CDH8: variants seen among roughly 807,000 people sequenced by gnomAD.
CDH8 encodes cadherin 8.
Under a neutral mutation model 68.1 loss-of-function variants are expected in CDH8, and 17 were observed. That is an observed-to-expected ratio of 0.25 (90% CI 0.17 to 0.37). The LOEUF (loss-of-function observed/expected upper bound fraction) is 0.37, where lower values mean the gene tolerates loss of function less well. Among genes scored for constraint, CDH8 ranks in the 10% least tolerant of loss-of-function variants. The pLI, the probability that CDH8 is intolerant of heterozygous loss-of-function variation, is 1.00. For missense variants in CDH8, 763 were observed against 999.3 expected (o/e 0.76, Z 3.19); for synonymous variants, 372 against 365.1 (o/e 1.02, Z -0.21).
intron 10 of CDH8, among the ~76,000 whole-genome samples, chr16:61,687,046 A>T (rs1964122934): frequency 6.6e-6 from 1 of 151,960 alleles, no homozygotes; most frequent in Non-Finnish European, 1.5e-5. Flanking sequence ...ATCCTTTACT[A>T]CGGTACTGTA....
Position 61,660,562 on chromosome 16 carries a change from T to TA in CDH8, c.1655-4842dup, listed in dbSNP as rs939598371. ...AAAAAATATCATTGAAAACCTGAAT[T>TA]AAAAAAAATAGTCTATACATCCAGA... On this transcript the variant is annotated intron_variant, in intron 10 of 11. Coordinates refer to ENST00000577390, the MANE Select transcript of CDH8 (RefSeq NM_001796.5). Among the ~76,000 whole-genome samples, 6 of 151,184 alleles carry TA rather than the reference T, an allele frequency of 4.0e-5. No homozygotes were observed. In the South Asian group the frequency reaches 6.3e-4, roughly 16 times the overall value.
At chr16:61,813,533 G>C (rs1382125938) in intron 7 of CDH8, among the ~76,000 whole-genome samples, 2 of 152,170 alleles carry the variant, frequency 1.3e-5, no homozygotes, top group Non-Finnish European at 2.9e-5. Context: ...GGCTGTGTCT[G>C]AGCATGTCTA....
chr16:61,964,895 T>G (rs1285332243), intron 2 of CDH8, among the ~76,000 whole-genome samples: 1 of 152,196 alleles, frequency 6.6e-6, no homozygotes. Flanking sequence ...TGCTTTCCTG[T>G]GCAAAAACAA....
chr16:61,790,053 G>T (rs1377303984), intron 7 of CDH8, among the ~76,000 whole-genome samples: 1 of 151,788 alleles, frequency 6.6e-6, no homozygotes, highest in Non-Finnish European at 1.5e-5. Context: ...TTGGATAGTT[G>T]TTGATTTTAT....
chr16:61,932,359 G>T (rs1964559085), intron 2 of CDH8, among the ~76,000 whole-genome samples: 1 of 152,126 alleles, frequency 6.6e-6, no homozygotes, highest in Admixed American at 6.5e-5. Context: ...GTAATTCAAA[G>T]ATTTTGAATA....
chr16:61,772,957 C>T (rs1960815317), intron 8 of CDH8, among the ~76,000 whole-genome samples: 1 of 151,920 alleles, frequency 6.6e-6, no homozygotes, highest in South Asian at 2.1e-4. Flanking sequence ...ATATTCTGGG[C>T]CCTATATTTT....
intron 10 of CDH8, among the ~76,000 whole-genome samples, chr16:61,676,313 C>T (rs1168828373): frequency 1.3e-5 from 2 of 151,444 alleles, no homozygotes; most frequent in African/African-American, 2.4e-5. Context: ...GCTGAAGTGG[C>T]TATATTAATA....
At chr16:61,934,523 C>A (rs1342771403) in intron 2 of CDH8, among the ~76,000 whole-genome samples, 1 of 152,016 alleles carries the variant, frequency 6.6e-6, no homozygotes, top group South Asian at 2.1e-4. Flanking sequence ...TGCCACTTAA[C>A]CTTAAATAAT....
intron 10 of CDH8, among the ~76,000 whole-genome samples, chr16:61,708,324 A>G (rs1027077046): frequency 2.6e-5 from 4 of 152,172 alleles, no homozygotes; most frequent in Non-Finnish European, 5.9e-5. Flanking sequence ...TCTGAATTAT[A>G]TCCTAGTGGT....
chr16:61,856,272 T>C (rs1261102524), intron 4 of CDH8, among the ~76,000 whole-genome samples: 1 of 151,928 alleles, frequency 6.6e-6, no homozygotes, highest in Non-Finnish European at 1.5e-5. Flanking sequence ...TAGAAGAAAA[T>C]ATACAAAAAA....
chr16:61,790,193 A>AT (rs1188254860), intron 7 of CDH8, among the ~76,000 whole-genome samples: 1 of 152,188 alleles, frequency 6.6e-6, no homozygotes, highest in East Asian at 1.9e-4. Context: ...TAGTTCTTTT[A>AT]TCAAGCAAAC....
At chr16:61,961,902 T>C (rs1965160994) in intron 2 of CDH8, among the ~76,000 whole-genome samples, 1 of 152,134 alleles carries the variant, frequency 6.6e-6, no homozygotes, top group Non-Finnish European at 1.5e-5. Context: ...CAGTGGAAAA[T>C]TTACTTACAA....
intron 8 of CDH8, among the ~76,000 whole-genome samples, chr16:61,748,020 C>A (rs990756422): frequency 3.3e-5 from 5 of 152,040 alleles, no homozygotes; most frequent in African/African-American, 1.2e-4. Flanking sequence ...GCATTGGAAC[C>A]AGTCAGTGGA....
intron 3 of CDH8, among the ~76,000 whole-genome samples, chr16:61,893,506 T>TCCTAATAACAA (rs1453634468): frequency 6.6e-6 from 1 of 151,886 alleles, no homozygotes; most frequent in Non-Finnish European, 1.5e-5. Flanking sequence ...AACACTGACA[T>TCCTAATAACAA]CCTAATAACA....
intron 8 of CDH8, among the ~76,000 whole-genome samples, chr16:61,738,825 G>C (rs1959781872): frequency 1.3e-5 from 2 of 152,060 alleles, no homozygotes; most frequent in Non-Finnish European, 2.9e-5. Flanking sequence ...GTATGTGTGT[G>C]TGCACATATA....
chr16:61,874,745 T>C (rs530139295), intron 3 of CDH8, among the ~76,000 whole-genome samples: 1 of 152,314 alleles, frequency 6.6e-6, no homozygotes, highest in East Asian at 1.9e-4. Flanking sequence ...AAAAAGTGGT[T>C]CCATTATTGT....
intron 10 of CDH8, among the ~76,000 whole-genome samples, chr16:61,684,581 G>A (rs1164749863): frequency 2.0e-5 from 3 of 151,836 alleles, no homozygotes; most frequent in Non-Finnish European, 4.4e-5. Flanking sequence ...TATATCAAGG[G>A]GCCCTAACAC....
chr16:61,904,893 A>T (rs1378642771), intron 2 of CDH8, among the ~76,000 whole-genome samples: 2 of 152,206 alleles, frequency 1.3e-5, no homozygotes, highest in African/African-American at 4.8e-5. Flanking sequence ...CAACATATCC[A>T]CCCAGAACCC....
intron 2 of CDH8, among the ~76,000 whole-genome samples, chr16:61,974,113 A>G (rs1297649907): frequency 2.6e-5 from 4 of 152,228 alleles, no homozygotes; most frequent in Non-Finnish European, 5.9e-5. Flanking sequence ...TGGGTCTGAC[A>G]TTTGTCTGTA....
Sources: allele counts gnomAD v4.1 joint callset (sites outside exome capture counted in the v4.1 genomes callset), GRCh38; gene constraint gnomAD v4.1.1; transcripts MANE v1.5; gene names NCBI Gene and HGNC (gene_info 2026-07-23, HGNC 2026-07-21).